TFB1M: variants seen among roughly 807,000 people sequenced by gnomAD.
TFB1M encodes transcription factor B1, mitochondrial, also known as dimethyladenosine transferase 1, mitochondrial.
A neutral mutation model predicts 31.1 loss-of-function variants in TFB1M; 27 were observed. The observed-to-expected ratio is 0.87, with a 90% confidence interval of 0.64 to 1.20. TFB1M has a LOEUF of 1.20. Ranked by LOEUF, TFB1M falls within the 50% of genes most tolerant of loss-of-function variation. The probability of loss-of-function intolerance (pLI) is 0.00; values close to 1 mark genes in which losing one functional copy is unlikely to be tolerated. For missense variants in TFB1M, 394 were observed against 418.7 expected, an observed-to-expected ratio of 0.94 and a Z score of 0.51; for synonymous variants, 166 against 151.8, an observed-to-expected ratio of 1.09 and a Z score of -0.69.
intron 5 of TFB1M, among the ~76,000 whole-genome samples, chr6:155,269,475 C>CT (rs1784827577): frequency 6.6e-6 from 1 of 152,030 alleles, no homozygotes; most frequent in Non-Finnish European, 1.5e-5. Flanking sequence ...GCATGTGCCA[C>CT]TACGCCTGGC....
chr6:155,252,882 T>A (rs898331712), downstream of TFB1M: 2 of 1,423,016 alleles, frequency 1.4e-6, no homozygotes, highest in African/African-American at 2.8e-5. Flanking sequence ...TTCTATTCAC[T>A]GTGCACACAT....
At chr6:155,305,657 ATT>A (rs1208165168) in intron 2 of TFB1M, among the ~76,000 whole-genome samples, 2 of 89,916 alleles carry the variant, frequency 2.2e-5, no homozygotes, top group Non-Finnish European at 3.9e-5. Context: ...TAAATTATAT[ATT>A]TATATATATA....
intron 5 of TFB1M, among the ~76,000 whole-genome samples, chr6:155,262,516 C>A (rs1056842590): frequency 1.3e-5 from 2 of 152,172 alleles, no homozygotes; most frequent in Non-Finnish European, 2.9e-5. Flanking sequence ...TGTAACCCTT[C>A]AACTCCAGTT....
intron 2 of TFB1M, among the ~76,000 whole-genome samples, chr6:155,299,030 A>G (rs1562419596): frequency 6.6e-6 from 1 of 152,198 alleles, no homozygotes; most frequent in Non-Finnish European, 1.5e-5. Context: ...AGGATTCTAT[A>G]TATCATCAAG....
the TFB1M span, chr6:155,250,678 T>C: frequency 6.7e-7 from 1 of 1,483,584 alleles, no homozygotes; most frequent in Non-Finnish European, 9.1e-7. Flanking sequence ...CTCACCTACA[T>C]GTGCGTGCAC....
the TFB1M span, chr6:155,240,501 A>G: frequency 1.9e-6 from 3 of 1,582,922 alleles, no homozygotes; most frequent in African/African-American, 2.7e-5. Flanking sequence ...AGGCCCGTGC[A>G]TTATTTTCCA....
intron 2 of TFB1M, among the ~76,000 whole-genome samples, chr6:155,306,981 C>T (rs1777795617): frequency 6.6e-6 from 1 of 152,144 alleles, no homozygotes; most frequent in South Asian, 2.1e-4. Flanking sequence ...CTCAGCCAGG[C>T]ATGGTGGTGT....
chr6:155,278,354 T>G (rs1227158739), intron 5 of TFB1M, among the ~76,000 whole-genome samples: 1 of 152,248 alleles, frequency 6.6e-6, no homozygotes, highest in Non-Finnish European at 1.5e-5. Context: ...ATCCTCACAA[T>G]AGCTCACATG....
chr6:155,282,798 C>G (rs1186172322), intron 5 of TFB1M, among the ~76,000 whole-genome samples: 1 of 151,726 alleles, frequency 6.6e-6, no homozygotes, highest in Non-Finnish European at 1.5e-5. Flanking sequence ...TGCCATCTCG[C>G]CTCGCTGCAA....
At chr6:155,244,747 T>C in the TFB1M span, 2 of 1,614,050 alleles carry the variant, frequency 1.2e-6, no homozygotes, top group Non-Finnish European at 1.7e-6. Flanking sequence ...CAGCATCATC[T>C]GACTTTAACA....
intron 6 of TFB1M, 106 bp from the exon 7 acceptor site, chr6:155,258,188 T>A: frequency 7.4e-7 from 1 of 1,344,912 alleles, no homozygotes; most frequent in Non-Finnish European, 1.0e-6. Context: ...AGTTGCTGGC[T>A]ACTGACAGCT....
the TFB1M span, among the ~76,000 whole-genome samples, chr6:155,240,319 A>G: frequency 2.6e-5 from 4 of 152,254 alleles, no homozygotes; most frequent in Non-Finnish European, 4.4e-5. Context: ...TCGTGTGTAA[A>G]CACTGAACAT....
In TFB1M at chr6:155,314,472, T is replaced by TC. The variant is rs1265705807; in HGVS notation, c.-45dup. 3 of 1,608,300 alleles carry TC rather than the reference T, an allele frequency of 1.9e-6. No homozygotes were observed. The highest frequency in any genetic ancestry group is 2.6e-6 in the Non-Finnish European group (3 of 1,176,116). On this transcript the variant is annotated 5_prime_UTR_variant, in exon 1 of 7. Transcript: ENST00000367166. ...TCCAACCCTACCTCACCCAGGACCT[T>TC]CACCGCCGCTCCGAAAGAAACGCGC...
the TFB1M span, among the ~76,000 whole-genome samples, chr6:155,237,264 C>T: frequency 6.6e-6 from 1 of 152,370 alleles, no homozygotes; most frequent in Non-Finnish European, 1.5e-5. Context: ...CCATGTCTCA[C>T]ATCCAGGTCA....
At chr6:155,253,998 A>G (rs1164916258), downstream of TFB1M, 4 of 1,614,106 alleles carry the variant, frequency 2.5e-6, no homozygotes, top group Admixed American at 3.3e-5. Flanking sequence ...CCATATGGGA[A>G]CTGATCCATA....
At chr6:155,298,728 G>A (rs975940339) in intron 2 of TFB1M, 143 bp from the exon 3 acceptor site, 46 of 652,460 alleles carry the variant, frequency 7.1e-5, no homozygotes, top group South Asian at 1.0e-4. Flanking sequence ...ACTGCATCAC[G>A]TCTATTGCAA....
intron 4 of TFB1M, among the ~76,000 whole-genome samples, chr6:155,293,647 C>G (rs1333548646): frequency 1.3e-5 from 2 of 152,064 alleles, no homozygotes; most frequent in Non-Finnish European, 2.9e-5. Context: ...TGATATTTTT[C>G]TGGATTTATC....
rs1777566573 is a variant in TFB1M, at chr6:155,304,298, CA to C, written c.286-5714del. On this transcript the variant is annotated intron_variant, in intron 2 of 6. Coordinates refer to ENST00000367166, the MANE Select transcript of TFB1M (RefSeq NM_016020.4). Reference sequence around the variant, plus strand: ...ACTCTTGTCTCAAAAAACAAACAAACAAAAAACCAAAGGCAATACTAACAAT... The same window carrying C: ...ACTCTTGTCTCAAAAAACAAACAAACAAAAACCAAAGGCAATACTAACAAT... Among the ~76,000 whole-genome samples the C allele has an allele frequency of 2.0e-5, 3 of 151,900 alleles. No homozygotes were observed. In the South Asian group the frequency reaches 6.2e-4, roughly 32 times the overall value.
Position 155,295,599 on chromosome 6 carries a change from T to C in TFB1M, c.546+1354A>G, listed in dbSNP as rs573009224. 3.3e-5 allele frequency among the ~76,000 whole-genome samples: 5 copies of C among 152,234 alleles called. No individual in the cohort carries two copies. In the South Asian group the frequency reaches 1.0e-3, roughly 32 times the overall value. On this transcript the variant is annotated intron_variant, in intron 4 of 6. Transcript: ENST00000367166. The stretch of plus-strand genomic sequence containing the variant: ...AGTTCCCTTTATTAAGTCATCCATG[T>C]ACATGGGGATTCAGGAGTGCCCTTT...
Sources: allele counts gnomAD v4.1 joint callset (sites outside exome capture counted in the v4.1 genomes callset), GRCh38; gene constraint gnomAD v4.1.1; transcripts MANE v1.5; gene names NCBI Gene and HGNC (gene_info 2026-07-23, HGNC 2026-07-21).